AGPAT2: variants seen among roughly 807,000 people sequenced by gnomAD.
The protein encoded by AGPAT2 is 1-acylglycerol-3-phosphate O-acyltransferase 2.
AGPAT2 carries 18 observed loss-of-function variants against 26.1 expected under a neutral mutation model. That is an observed-to-expected ratio of 0.69 (90% CI 0.48 to 1.02). The LOEUF (loss-of-function observed/expected upper bound fraction) is 1.02, where lower values mean the gene tolerates loss of function less well. Ranked by LOEUF, AGPAT2 falls within the 50% of genes least tolerant of loss-of-function variation. The pLI is 0.00. For missense variants in AGPAT2, 415 were observed against 394.9 expected (o/e 1.05, Z -0.43); for synonymous variants, 200 against 174.2 (o/e 1.15, Z -1.16).
intron 1 of AGPAT2, among the ~76,000 whole-genome samples, chr9:136,683,633 G>T (rs1363229752): frequency 6.6e-6 from 1 of 152,214 alleles, no homozygotes; most frequent in South Asian, 2.1e-4. Context: ...ACCCGGATGT[G>T]GGGGGTCCCC....
At chr9:136,677,877 C>T (rs1287447581) in intron 1 of AGPAT2, among the ~76,000 whole-genome samples, 2 of 152,220 alleles carry the variant, frequency 1.3e-5, no homozygotes. Flanking sequence ...ATCCACCCCA[C>T]AGGGGACCCA....
At chr9:136,686,928 A>T (rs776658711) in intron 1 of AGPAT2, among the ~76,000 whole-genome samples, 1 of 152,110 alleles carries the variant, frequency 6.6e-6, no homozygotes, top group Non-Finnish European at 1.5e-5. Context: ...ACCGGTGTAG[A>T]CGCCCGGGGC....
intron 1 of AGPAT2, among the ~76,000 whole-genome samples, chr9:136,678,883 G>C (rs1360330534): frequency 1.3e-5 from 2 of 151,312 alleles, no homozygotes; most frequent in African/African-American, 4.9e-5. Context: ...CTCCTGACTA[G>C]CTGGGACCAC....
chr9:136,674,327 G>A (rs948676875), intron 5 of AGPAT2, among the ~76,000 whole-genome samples: 13 of 152,274 alleles, frequency 8.5e-5, no homozygotes, highest in Non-Finnish European at 1.6e-4. Flanking sequence ...AGGTGCCCAC[G>A]TTCTGGGAAC....
chr9:136,676,726 C>T, intron 3 of AGPAT2, 46 bp from the exon 4 acceptor site: 1 of 1,568,204 alleles, frequency 6.4e-7, no homozygotes. Flanking sequence ...CCAGGCCACC[C>T]CAGAAAGGCC....
intron 1 of AGPAT2, among the ~76,000 whole-genome samples, chr9:136,681,102 CT>C (rs141839033): frequency 0.025 from 3,656 of 143,630 alleles, 88 homozygotes; most frequent in African/African-American, 0.065. Flanking sequence ...AAAACTTTTC[CT>C]TTTTTTTTTT....
intron 1 of AGPAT2, among the ~76,000 whole-genome samples, chr9:136,682,823 T>C (rs919589611): frequency 6.6e-6 from 1 of 152,098 alleles, no homozygotes; most frequent in African/African-American, 2.4e-5. Context: ...CCCAGCCTCC[T>C]CAGACCGCCT....
chr9:136,677,225 ACCCTGCCTTCT>A, intron 2 of AGPAT2, 89 bp from the exon 3 acceptor site: 1 of 1,539,094 alleles, frequency 6.5e-7, no homozygotes, highest in East Asian at 2.4e-5. Flanking sequence ...CCTGCCTGGC[ACCCTGCCTTCT>A]CCCTGGCTAC....
intron 1 of AGPAT2, among the ~76,000 whole-genome samples, chr9:136,686,522 G>A (rs565601975): frequency 1.6e-4 from 24 of 152,352 alleles, no homozygotes; most frequent in African/African-American, 5.1e-4. Flanking sequence ...CAGCCCCGCC[G>A]AACCCTAGTC....
intron 4 of AGPAT2, among the ~76,000 whole-genome samples, chr9:136,676,205 C>G (rs1228663694): frequency 6.6e-6 from 1 of 152,170 alleles, no homozygotes; most frequent in African/African-American, 2.4e-5. Flanking sequence ...TTGTCCAGAC[C>G]CACTGCCCAT....
At chr9:136,685,936 G>A (rs559936640) in intron 1 of AGPAT2, among the ~76,000 whole-genome samples, 117 of 152,338 alleles carry the variant, frequency 7.7e-4, no homozygotes, top group African/African-American at 2.8e-3. Flanking sequence ...CACTGGGGAC[G>A]TCAGCGCCAG....
chr9:136,676,658 T>A lies in AGPAT2; in HGVS notation c.515A>T (p.Glu172Val). The change falls in exon 4 of 6, where the codon GAG becomes GTG. Residue 172 changes from glutamate (E) to valine (V), a missense_variant. By Grantham distance (121) the Glu-to-Val change is moderately radical. Transcript: ENST00000371696. ...RENLKVWIYPEGTRNDNGDLL... is the reference protein window; with the variant it reads ...RENLKVWIYPVGTRNDNGDLL... The stretch of plus-strand genomic sequence containing the variant: ...GTCCCCATTGTCGTTGCGAGTACCC[T>A]CGGGATAGATCCACACTTTGAGCTG... 3 of 1,613,416 alleles carry A rather than the reference T, an allele frequency of 1.9e-6. No homozygotes were observed. The highest frequency in any genetic ancestry group is 2.5e-6 in the Non-Finnish European group (3 of 1,179,868).
Position 136,673,665 on chromosome 9 carries a change from T to TG in AGPAT2, c.*86dup. On this transcript the variant is annotated 3_prime_UTR_variant, in exon 6 of 6. Transcript: ENST00000371696. ...TGGGGGAGCCGGACAGAGTGGTATT[T>TG]GGAAGCCGGGAGGAGTCCCCTCTGC... The TG allele has an allele frequency of 7.2e-7, 1 of 1,382,424 alleles. No individual in the cohort carries two copies. The highest frequency in any genetic ancestry group is 9.6e-7 in the Non-Finnish European group (1 of 1,036,980). 85.6% of individuals were successfully genotyped at this position (1,382,424 alleles called of 1,614,324 possible). A position where few individuals can be genotyped will look rare whatever the true frequency, so the allele number is the denominator to read the frequency against.
At chr9:136,680,804 C>T (rs908923121) in intron 1 of AGPAT2, among the ~76,000 whole-genome samples, 4 of 151,426 alleles carry the variant, frequency 2.6e-5, no homozygotes, top group Non-Finnish European at 4.4e-5. Context: ...GTAGTTGGGA[C>T]TACTGGTGTG....
At chr9:136,687,134 C>T (rs1238263888) in intron 1 of AGPAT2, 42 bp downstream of exon 1, 4 of 1,551,858 alleles carry the variant, frequency 2.6e-6, no homozygotes, top group Admixed American at 1.9e-5. Context: ...GCGGAAGCGG[C>T]GCGGCGGTTC....
In AGPAT2 at chr9:136,674,855, G is replaced by A. The variant is rs563050336; in HGVS notation, c.589-48C>T. ...CTGAGGCAGCCCTGGGGACAGGCCA[G>A]GCACACCCCAGGCTGCATGTGGTTG... On this transcript the variant is annotated intron_variant, in intron 4 of 5. Coordinates refer to ENST00000371696, the MANE Select transcript of AGPAT2 (RefSeq NM_006412.4). The A allele has an allele frequency of 4.3e-6, 6 of 1,406,142 alleles. No individual in the cohort carries two copies. The African/African-American group carries it at 5.8e-5, about 14-fold the overall frequency. 87.1% of individuals were successfully genotyped at this position (1,406,142 alleles called of 1,614,324 possible).
intron 4 of AGPAT2, among the ~76,000 whole-genome samples, chr9:136,676,209 T>G (rs1846088363): frequency 6.6e-6 from 1 of 152,106 alleles, no homozygotes; most frequent in South Asian, 2.1e-4. Context: ...CCAGACCCAC[T>G]GCCCATGCCC....
In AGPAT2 at chr9:136,676,615, C is replaced by T; in HGVS notation, c.558G>A (p.Lys186=). Residue 186 remains lysine, a synonymous_variant, in exon 4 of 6, where the codon AAG becomes AAA. Transcript: ENST00000371696. ...NDNGDLLPFK[K]GAFYLAVQAQ... ...CCTGGACTGCCAGGTAGAAGGCGCC[C>T]TTCTTAAAAGGCAGCAGGTCCCCAT... 1.2e-6 allele frequency: 2 copies of T among 1,613,478 alleles called. No individual in the cohort carries two copies. Among genetic ancestry groups the T allele is most frequent in the Non-Finnish European group, 1.7e-6 (2 of 1,179,876 alleles).
Position 136,685,395 on chromosome 9 carries a change from T to C in AGPAT2, c.182+1781A>G, listed in dbSNP as rs185646436. On this transcript the variant is annotated intron_variant, in intron 1 of 5. Transcript: ENST00000371696. The stretch of plus-strand genomic sequence containing the variant: ...CAGCCAACCCAGCCTGCCAGGTCCA[T>C]AGAAAGGGCAGCAGGTGAACTGTGA... 2.3e-3 allele frequency among the ~76,000 whole-genome samples: 347 copies of C among 152,262 alleles called. 3 individuals are homozygous for C. The highest frequency in any genetic ancestry group is 1.7e-3 in the Non-Finnish European group (117 of 67,996).
Sources: gnomAD v4.1 joint callset for allele counts (sites outside exome capture counted in the v4.1 genomes callset) on GRCh38, gnomAD v4.1.1 for gene constraint, MANE v1.5 for transcripts, NCBI Gene and HGNC (gene_info 2026-07-23, HGNC 2026-07-21) for gene names.